Variants in SNTB1 observed in about 807,000 individuals in gnomAD.
SNTB1 encodes the protein beta-1-syntrophin.
A neutral mutation model predicts 48.9 loss-of-function variants in SNTB1; 36 were observed. That is an observed-to-expected ratio of 0.74 (90% CI 0.56 to 0.97). The LOEUF (loss-of-function observed/expected upper bound fraction) is 0.97. Ranked by LOEUF, SNTB1 falls within the 50% of genes least tolerant of loss-of-function variation. The probability of loss-of-function intolerance (pLI) is 0.00; values close to 1 mark genes in which losing one functional copy is unlikely to be tolerated. For missense variants in SNTB1, 786 were observed against 703.4 expected (o/e 1.12, Z -1.33); for synonymous variants, 299 against 294.6 (o/e 1.01, Z -0.15).
intron 1 of SNTB1, among the ~76,000 whole-genome samples, chr8:120,694,543 CATTA>C (rs1203080357): frequency 6.6e-6 from 1 of 150,946 alleles, no homozygotes; most frequent in African/African-American, 2.4e-5. Flanking sequence ...ATATATATAT[CATTA>C]ATTCTTAATA....
chr8:120,653,044 G>A (rs113107400), intron 2 of SNTB1, among the ~76,000 whole-genome samples: 2,274 of 152,240 alleles, frequency 0.015, 67 homozygotes, highest in African/African-American at 0.05. Context: ...GGTGTCTGGC[G>A]TGTGTCATGT....
intron 1 of SNTB1, among the ~76,000 whole-genome samples, chr8:120,732,161 A>T (rs1818863725): frequency 1.3e-5 from 2 of 152,200 alleles, no homozygotes; most frequent in Non-Finnish European, 2.9e-5. Context: ...CAAAGTGCTG[A>T]TATGACTTGC....
chr8:120,563,240 T>C (rs1194154487), intron 4 of SNTB1, among the ~76,000 whole-genome samples: 1 of 151,882 alleles, frequency 6.6e-6, no homozygotes, highest in Non-Finnish European at 1.5e-5. Flanking sequence ...CCAATTATGA[T>C]GACAGTGACC....
intron 1 of SNTB1, among the ~76,000 whole-genome samples, chr8:120,712,952 G>A (rs147373762): frequency 1.3e-5 from 2 of 152,172 alleles, no homozygotes; most frequent in African/African-American, 2.4e-5. Context: ...TCTTCTCCTC[G>A]TTACTATTGC....
intron 3 of SNTB1, among the ~76,000 whole-genome samples, chr8:120,575,660 T>G (rs1327757344): frequency 6.6e-6 from 1 of 152,146 alleles, no homozygotes; most frequent in Non-Finnish European, 1.5e-5. Context: ...TGGTGGCAAA[T>G]GTCTACCCAG....
chr8:120,590,650 A>G (rs1816223134), intron 3 of SNTB1, among the ~76,000 whole-genome samples: 1 of 148,732 alleles, frequency 6.7e-6, no homozygotes, highest in Non-Finnish European at 1.5e-5. Flanking sequence ...TCCTGTGTTC[A>G]TTATAGGTTT....
chr8:120,807,761 G>A (rs762237562), intron 1 of SNTB1, among the ~76,000 whole-genome samples: 4 of 152,152 alleles, frequency 2.6e-5, no homozygotes, highest in African/African-American at 2.4e-5. Flanking sequence ...GCAGAAGAAT[G>A]CTTTGAACCC....
chr8:120,555,662 G>A (rs1018483456), intron 4 of SNTB1, among the ~76,000 whole-genome samples: 1 of 152,102 alleles, frequency 6.6e-6, no homozygotes, highest in Non-Finnish European at 1.5e-5. Context: ...TCATTAAAAA[G>A]AACAGCCTTA....
chr8:120,564,908 A>G (rs1057416608), intron 4 of SNTB1, among the ~76,000 whole-genome samples: 3 of 152,084 alleles, frequency 2.0e-5, no homozygotes, highest in Non-Finnish European at 4.4e-5. Flanking sequence ...CAGATCAGAG[A>G]GAAGACGTCA....
At chr8:120,626,245 T>G (rs1233034012) in intron 3 of SNTB1, among the ~76,000 whole-genome samples, 1 of 152,068 alleles carries the variant, frequency 6.6e-6, no homozygotes, top group African/African-American at 2.4e-5. Context: ...ATCAATATAG[T>G]CACATAGATA....
intron 5 of SNTB1, among the ~76,000 whole-genome samples, chr8:120,542,837 AAT>A (rs1199130136): frequency 1.3e-5 from 2 of 152,128 alleles, no homozygotes; most frequent in Admixed American, 6.6e-5. Context: ...GTAGTTTAAA[AAT>A]AGTCTATTTT....
intron 1 of SNTB1, among the ~76,000 whole-genome samples, chr8:120,789,785 C>G (rs1819992795): frequency 6.6e-6 from 1 of 152,090 alleles, no homozygotes; most frequent in South Asian, 2.1e-4. Flanking sequence ...CAGACAGATT[C>G]TCAGCCAAAT....
intron 2 of SNTB1, among the ~76,000 whole-genome samples, chr8:120,671,018 T>C (rs917038126): frequency 6.6e-6 from 1 of 152,238 alleles, no homozygotes; most frequent in African/African-American, 2.4e-5. Flanking sequence ...ATGTTTGCCT[T>C]TGTTTGATTA....
At position 120,538,362 on chromosome 8, in the gene SNTB1, T is replaced by C. The variant is rs1488854388; in HGVS notation, c.*515A>G. 2 of 228,744 alleles carry C rather than the reference T, an allele frequency of 8.7e-6. No individual in the cohort carries two copies. The highest frequency in any genetic ancestry group is 4.4e-5 in the African/African-American group (2 of 45,278). The allele number at this position is 228,744 out of a possible 1,614,324, so 14.2% of individuals were successfully genotyped here. On this transcript the variant is annotated 3_prime_UTR_variant, in exon 7 of 7. Coordinates refer to ENST00000517992, the MANE Select transcript of SNTB1 (RefSeq NM_021021.4). ...ACTTAAATAAAAGGTGGGTTTCTAT[T>C]TGAAATATTTTTCTTTTCCTACAAG...
intron 4 of SNTB1, among the ~76,000 whole-genome samples, chr8:120,574,123 C>G (rs1198369646): frequency 6.6e-6 from 1 of 152,178 alleles, no homozygotes; most frequent in African/African-American, 2.4e-5. Flanking sequence ...CACACAAGGA[C>G]AAACACTACA....
chr8:120,726,428 G>A (rs1312149119), intron 1 of SNTB1, among the ~76,000 whole-genome samples: 1 of 151,994 alleles, frequency 6.6e-6, no homozygotes, highest in African/African-American at 2.4e-5. Flanking sequence ...TCAACCCTCT[G>A]TGGATTAAAC....
intron 1 of SNTB1, among the ~76,000 whole-genome samples, chr8:120,802,199 T>C (rs959541865): frequency 6.6e-6 from 1 of 152,186 alleles, no homozygotes; most frequent in African/African-American, 2.4e-5. Flanking sequence ...TGTAAACTTA[T>C]AGAAAGAAGT....
intron 1 of SNTB1, among the ~76,000 whole-genome samples, chr8:120,776,200 C>T (rs1431747186): frequency 1.3e-5 from 2 of 152,208 alleles, no homozygotes; most frequent in Admixed American, 6.5e-5. Flanking sequence ...ATTACCAATC[C>T]TCCATTCTAG....
intron 2 of SNTB1, among the ~76,000 whole-genome samples, chr8:120,640,697 G>A (rs535082947): frequency 1.4e-4 from 22 of 152,274 alleles, no homozygotes; most frequent in Middle Eastern, 3.4e-3. Flanking sequence ...ATTTGCGTAT[G>A]TTGAACCAGC....
Sources: allele counts gnomAD v4.1 joint callset (sites outside exome capture counted in the v4.1 genomes callset), GRCh38; gene constraint gnomAD v4.1.1; transcripts MANE v1.5; gene names NCBI Gene and HGNC (gene_info 2026-07-23, HGNC 2026-07-21).